Variants in PTPRN2 observed in about 807,000 individuals in gnomAD.
The protein encoded by PTPRN2 is protein tyrosine phosphatase receptor type N2, also known as receptor-type tyrosine-protein phosphatase N2.
Under a neutral mutation model 118.8 loss-of-function variants are expected in PTPRN2, and 74 were observed. That is an observed-to-expected ratio of 0.62 (90% CI 0.52 to 0.76). PTPRN2 has a LOEUF of 0.76. Among genes scored for constraint, PTPRN2 ranks in the 30% least tolerant of loss-of-function variants. PTPRN2 has a pLI of 0.00. For synonymous variants in PTPRN2, 641 were observed against 608.0 expected (o/e 1.05, Z -0.80); for missense variants, 1,481 against 1,394.4 (o/e 1.06, Z -0.99).
chr7:158,031,794 AATC>A (rs1247212017), intron 11 of PTPRN2, among the ~76,000 whole-genome samples: 2 of 152,230 alleles, frequency 1.3e-5, no homozygotes, highest in Non-Finnish European at 2.9e-5. Context: ...AAACAATTTA[AATC>A]ATCGAGTAAA....
At chr7:158,137,380 G>T (rs533511893) in intron 7 of PTPRN2, among the ~76,000 whole-genome samples, 1 of 152,104 alleles carries the variant, frequency 6.6e-6, no homozygotes, top group African/African-American at 2.4e-5. Flanking sequence ...TCACGTCACC[G>T]CACTCCAGCC....
chr7:157,571,476 T>C lies in PTPRN2; in HGVS notation c.2801A>G (p.Tyr934Cys). The C allele has an allele frequency of 6.2e-7, 1 of 1,609,304 alleles. No individual in the cohort carries two copies. Among genetic ancestry groups the C allele is most frequent in the Non-Finnish European group, 8.5e-7 (1 of 1,177,260 alleles). Residue 934 changes from tyrosine to cysteine, a missense_variant, in exon 20 of 23, where the codon TAC becomes TGC. This residue lies in a region of PTPRN2 where 362 missense variants were observed against 384.1 expected (regional missense o/e 0.94). Coordinates refer to ENST00000389418, the MANE Select transcript of PTPRN2 (RefSeq NM_002847.5). Reference protein sequence around the residue: ...LDFRRKVNKCYRGRSCPIIVH... With the variant: ...LDFRRKVNKCCRGRSCPIIVH... Reference sequence around the variant, plus strand: ...AATTATTGGACAAGAACGGCCCCTGTAGCACTTGTTTACTTTTCTGAAATA... The same window carrying C: ...AATTATTGGACAAGAACGGCCCCTGCAGCACTTGTTTACTTTTCTGAAATA...
chr7:158,382,232 C>T (rs1328156416), intron 2 of PTPRN2, among the ~76,000 whole-genome samples: 1 of 152,094 alleles, frequency 6.6e-6, no homozygotes, highest in Non-Finnish European at 1.5e-5. Flanking sequence ...GTGAACAGCC[C>T]CGGGGGTCAG....
intron 12 of PTPRN2, among the ~76,000 whole-genome samples, chr7:157,753,162 G>A (rs777499422): frequency 3.9e-5 from 6 of 152,180 alleles, no homozygotes; most frequent in Admixed American, 2.0e-4. Context: ...AATCCTAAAC[G>A]CCTCCCTCTG....
At chr7:157,683,110 A>C (rs1796992139) in intron 12 of PTPRN2, among the ~76,000 whole-genome samples, 173 bp from the exon 13 acceptor site, 1 of 152,274 alleles carries the variant, frequency 6.6e-6, no homozygotes, top group Non-Finnish European at 1.5e-5. Flanking sequence ...AAGGAGAAGC[A>C]GAAATCATTT....
At chr7:158,108,303 T>A (rs999772716) in intron 10 of PTPRN2, among the ~76,000 whole-genome samples, 1 of 151,692 alleles carries the variant, frequency 6.6e-6, no homozygotes, top group Admixed American at 6.6e-5. Context: ...CACACCCGCC[T>A]TGCACCTGCT....
At chr7:158,068,662 ATC>A (rs1173536006) in intron 11 of PTPRN2, among the ~76,000 whole-genome samples, 1 of 152,226 alleles carries the variant, frequency 6.6e-6, no homozygotes, top group Non-Finnish European at 1.5e-5. Flanking sequence ...AGAAATGCAG[ATC>A]TCTCTAAGCA....
intron 6 of PTPRN2, among the ~76,000 whole-genome samples, chr7:158,159,314 G>A (rs7803872): frequency 6.6e-6 from 1 of 151,922 alleles, no homozygotes. Context: ...ATGAGTTTCC[G>A]AGTGCACTTC....
chr7:158,151,169 CGCCT>C (rs1563521128), intron 6 of PTPRN2, among the ~76,000 whole-genome samples: 441 of 42,642 alleles, frequency 0.01, 55 homozygotes, highest in East Asian at 0.016. Context: ...CCACACCGCC[CGCCT>C]TTCTGCTCCT....
chr7:158,271,805 C>A lies in PTPRN2; in HGVS notation c.277+45014G>T, dbSNP rs546806049. On this transcript the variant is annotated intron_variant, in intron 3 of 22. Coordinates refer to ENST00000389418, the MANE Select transcript of PTPRN2 (RefSeq NM_002847.5). ...GAAGGGGTGAAGAAGCGTCCTGAGG[C>A]CTCTTTCAGAAGCGCATTAGCCCAT... Among the ~76,000 whole-genome samples, 9 of 152,242 alleles carry A rather than the reference C, an allele frequency of 5.9e-5. No homozygotes were observed. In the East Asian group the frequency reaches 1.2e-3, roughly 20 times the overall value.
chr7:157,659,668 C>T (rs968253913), intron 13 of PTPRN2, among the ~76,000 whole-genome samples: 5 of 151,936 alleles, frequency 3.3e-5, no homozygotes, highest in Admixed American at 6.6e-5. Flanking sequence ...AATCCACCCA[C>T]GTTTTCTCAG....
chr7:157,968,424 T>C (rs1195441644), intron 11 of PTPRN2, among the ~76,000 whole-genome samples: 1 of 152,164 alleles, frequency 6.6e-6, no homozygotes, highest in Non-Finnish European at 1.5e-5. Context: ...TCCATCAATC[T>C]GTTCAGGGCA....
At chr7:158,527,549 T>C (rs1563398737) in intron 1 of PTPRN2, among the ~76,000 whole-genome samples, 1 of 152,118 alleles carries the variant, frequency 6.6e-6, no homozygotes, top group Non-Finnish European at 1.5e-5. Flanking sequence ...GGAGTTGGGA[T>C]TGTGTTTGCC....
Position 157,893,760 on chromosome 7 carries a change from A to G in PTPRN2, c.1788+4913T>C, listed in dbSNP as rs1254945345. 6.6e-6 allele frequency among the ~76,000 whole-genome samples: 1 copy of G among 152,168 alleles called. No homozygotes were observed. Among genetic ancestry groups the G allele is most frequent in the Non-Finnish European group, 1.5e-5 (1 of 68,034 alleles). On this transcript the variant is annotated intron_variant, in intron 12 of 22. Coordinates refer to ENST00000389418, the MANE Select transcript of PTPRN2 (RefSeq NM_002847.5). The surrounding 1 kb of genome is among the most constrained non-coding windows in gnomAD (Gnocchi z 4.0). ...AGACGTAGGCTTGGGATCATCATCG[A>G]ACAGATAACATAAAAAGCCAGGGCC... is the stretch of plus-strand genomic sequence containing the variant.
At chr7:158,256,622 C>T (rs961685919) in intron 3 of PTPRN2, among the ~76,000 whole-genome samples, 7 of 151,988 alleles carry the variant, frequency 4.6e-5, no homozygotes, top group East Asian at 1.9e-4. Context: ...CAAGTGATGA[C>T]GGCAGAGAAG....
At chr7:158,166,903 C>T in intron 6 of PTPRN2, 28 bp downstream of exon 6, 1 of 1,419,950 alleles carries the variant, frequency 7.0e-7, no homozygotes, top group Non-Finnish European at 9.2e-7. Context: ...AGTCAGCAAA[C>T]AAGAAACACC....
chr7:157,922,287 C>T (rs973290808), intron 11 of PTPRN2, among the ~76,000 whole-genome samples: 3 of 152,006 alleles, frequency 2.0e-5, no homozygotes, highest in Non-Finnish European at 2.9e-5. Flanking sequence ...GGTGACGGGG[C>T]CAAGGAGTGG....
rs1796110192 is a variant in PTPRN2, at chr7:157,881,249, A to AGGG, written c.1788+17423_1788+17424insCCC. Reference sequence around the variant, plus strand: ...GTCATTATGGTAAAATGAGGTCATGATGGTATGTGGAGATGGGGGTGTTTA... The same window carrying AGGG: ...GTCATTATGGTAAAATGAGGTCATGAGGGTGGTATGTGGAGATGGGGGTGTTTA... On this transcript the variant is annotated intron_variant, in intron 12 of 22. Transcript: ENST00000389418. The surrounding 1 kb of genome is among the most constrained non-coding windows in gnomAD (Gnocchi z 4.7). 6.7e-6 allele frequency among the ~76,000 whole-genome samples: 1 copy of AGGG among 148,996 alleles called. No homozygotes were observed. The highest frequency in any genetic ancestry group is 2.6e-5 in the African/African-American group (1 of 38,866).
At chr7:157,999,192 A>G (rs1221971132) in intron 11 of PTPRN2, among the ~76,000 whole-genome samples, 2 of 152,178 alleles carry the variant, frequency 1.3e-5, no homozygotes, top group African/African-American at 4.8e-5. Context: ...CCAGCCTAAA[A>G]GAAGAGAAGG....
Sources: allele counts gnomAD v4.1 joint callset (sites outside exome capture counted in the v4.1 genomes callset), GRCh38; gene constraint gnomAD v4.1.1; regional missense constraint gnomAD v4.1.1; non-coding constraint Gnocchi (gnomAD v3.1); transcripts MANE v1.5; gene names NCBI Gene and HGNC (gene_info 2026-07-23, HGNC 2026-07-21).